Variants in AUTS2 observed in about 807,000 individuals in gnomAD.
AUTS2 encodes activator of transcription and developmental regulator AUTS2, also known as autism susceptibility gene 2 protein.
A neutral mutation model predicts 112.4 loss-of-function variants in AUTS2; 17 were observed. That is an observed-to-expected ratio of 0.15 (90% CI 0.10 to 0.23). The LOEUF (loss-of-function observed/expected upper bound fraction) is 0.23, where lower values mean the gene tolerates loss of function less well. Ranked by LOEUF, AUTS2 falls within the 10% of genes least tolerant of loss-of-function variation. The pLI, the probability that AUTS2 is intolerant of heterozygous loss-of-function variation, is 1.00. For missense variants in AUTS2, 1,510 were observed against 1,701.6 expected (o/e 0.89, Z 1.98); for synonymous variants, 751 against 702.7 (o/e 1.07, Z -1.09).
At chr7:70,303,008 G>T (rs985282713) in intron 4 of AUTS2, among the ~76,000 whole-genome samples, 2 of 142,544 alleles carry the variant, frequency 1.4e-5, no homozygotes, top group Non-Finnish European at 3.0e-5. Flanking sequence ...AGTTTTCTTT[G>T]AGCTCCCTTG....
intron 1 of AUTS2, among the ~76,000 whole-genome samples, chr7:69,734,207 T>A (rs1006211870): frequency 2.0e-5 from 3 of 152,144 alleles, no homozygotes; most frequent in Non-Finnish European, 4.4e-5. Flanking sequence ...TTAAAAGCTG[T>A]CTCCTAGACA....
chr7:69,603,980 T>G (rs886743531), intron 1 of AUTS2, among the ~76,000 whole-genome samples: 3 of 152,192 alleles, frequency 2.0e-5, no homozygotes, highest in African/African-American at 7.2e-5. Flanking sequence ...ATTTTTCCCC[T>G]CATTCCTCTT....
intron 6 of AUTS2, among the ~76,000 whole-genome samples, chr7:70,746,958 C>T (rs899955242): frequency 6.6e-6 from 1 of 152,136 alleles, no homozygotes; most frequent in Non-Finnish European, 1.5e-5. Flanking sequence ...TACCCATGAA[C>T]CACCAGTTAA....
chr7:70,445,508 G>T (rs1268480693), intron 5 of AUTS2, among the ~76,000 whole-genome samples: 1 of 152,092 alleles, frequency 6.6e-6, no homozygotes, highest in East Asian at 1.9e-4. Context: ...ATAAAATTTG[G>T]GTCTACTAAC....
intron 5 of AUTS2, among the ~76,000 whole-genome samples, chr7:70,627,136 T>C (rs1407534296): frequency 1.3e-5 from 2 of 152,236 alleles, no homozygotes; most frequent in African/African-American, 2.4e-5. Flanking sequence ...CCACCAGCAG[T>C]GTATAAGCAT....
At chr7:70,109,416 G>T (rs954722562) in intron 2 of AUTS2, among the ~76,000 whole-genome samples, 6 of 152,156 alleles carry the variant, frequency 3.9e-5, no homozygotes, top group African/African-American at 1.2e-4. Flanking sequence ...TATACTCAAG[G>T]AATGCCAAAT....
At position 70,790,256 on chromosome 7, in the gene AUTS2, G is replaced by A. The variant is rs970084721; in HGVS notation, c.3040G>A (p.Val1014Met). Residue 1014 changes from valine (V) to methionine (M), a missense_variant, in exon 19 of 19, where the codon GTG (valine) becomes ATG (methionine). By Grantham distance (21) the Val-to-Met change is conservative. This residue lies in a region of AUTS2 where 788 missense variants were observed against 797.6 expected (regional missense o/e 0.99). Transcript: ENST00000342771. The surrounding 1 kb of genome is among the most constrained non-coding windows in gnomAD (Gnocchi z 7.6). ...EPPPPNSSSSVHPGPLASMPM... is the reference protein window; with the variant it reads ...EPPPPNSSSSMHPGPLASMPM... ...GCCGCCTCCCAACTCCTCGTCCAGC[G>A]TGCACCCGGGGCCCCTGGCCTCGAT... 3 of 1,612,992 alleles carry A rather than the reference G, an allele frequency of 1.9e-6. No individual in the cohort carries two copies. Among genetic ancestry groups the A allele is most frequent in the East Asian group, 2.2e-5 (1 of 44,828 alleles).
At chr7:69,782,260 G>T (rs1480055028) in intron 1 of AUTS2, among the ~76,000 whole-genome samples, 2 of 152,108 alleles carry the variant, frequency 1.3e-5, no homozygotes, top group African/African-American at 2.4e-5. Context: ...CTACTTGGGA[G>T]GCTGAGGTGG....
chr7:70,265,114 G>C (rs1035984108), intron 4 of AUTS2, among the ~76,000 whole-genome samples: 5 of 151,972 alleles, frequency 3.3e-5, no homozygotes, highest in African/African-American at 1.2e-4. Flanking sequence ...TTTAATCTGA[G>C]AAAAAAATAA....
At chr7:70,096,651 A>C (rs900480862) in intron 2 of AUTS2, among the ~76,000 whole-genome samples, 1 of 151,838 alleles carries the variant, frequency 6.6e-6, no homozygotes, top group African/African-American at 2.4e-5. Flanking sequence ...TGTGTAAAGG[A>C]CTATACTCAT....
chr7:70,777,649 C>G (rs1790794980), intron 14 of AUTS2, among the ~76,000 whole-genome samples: 1 of 152,194 alleles, frequency 6.6e-6, no homozygotes, highest in African/African-American at 2.4e-5. Flanking sequence ...AGAAATCTTA[C>G]TGTTAATTAG....
At chr7:70,409,834 G>A (rs1329260609) in intron 4 of AUTS2, among the ~76,000 whole-genome samples, 4 of 152,080 alleles carry the variant, frequency 2.6e-5, no homozygotes, top group African/African-American at 4.8e-5. Flanking sequence ...CTTTCCTTTC[G>A]GTACACCTTT....
intron 1 of AUTS2, among the ~76,000 whole-genome samples, chr7:69,612,313 A>T (rs1793085701): frequency 6.6e-6 from 1 of 152,050 alleles, no homozygotes; most frequent in Admixed American, 6.5e-5. Flanking sequence ...CTTCATGTTT[A>T]CTTTGGGATC....
rs146565778 is a variant in AUTS2 at position 69,626,251 on chromosome 7, G to A, written c.309+26289G>A. Among the ~76,000 whole-genome samples, 9 of 152,278 alleles carry A rather than the reference G, an allele frequency of 5.9e-5. No homozygotes were observed. The East Asian group carries it at 1.7e-3, about 29-fold the overall frequency. On this transcript the variant is annotated intron_variant, in intron 1 of 18. Coordinates refer to ENST00000342771, the MANE Select transcript of AUTS2 (RefSeq NM_015570.4). ...AATTAGTTGGAAATGACATTAACCT[G>A]AGCTTAATTGTAATTTTGCATAGTA...
chr7:69,841,482 C>T (rs1226975703), intron 1 of AUTS2, among the ~76,000 whole-genome samples: 1 of 152,138 alleles, frequency 6.6e-6, no homozygotes, highest in African/African-American at 2.4e-5. Context: ...TTGGGGATTA[C>T]AATTCAACAT....
chr7:70,010,690 A>C (rs1460310363), intron 2 of AUTS2, among the ~76,000 whole-genome samples: 1 of 152,172 alleles, frequency 6.6e-6, no homozygotes. Flanking sequence ...ATCCTGAATG[A>C]GGTAGGATCA....
At position 69,752,535 on chromosome 7, in the gene AUTS2, C is replaced by A. The variant is rs375432256; in HGVS notation, c.310-146751C>A. ...AAAGGATAAGTTTAAGGCTTTTAAT[C>A]AATGCCGCTTGCACTCAGTATTTAA... is the stretch of plus-strand genomic sequence containing the variant. On this transcript the variant is annotated intron_variant, in intron 1 of 18. Transcript: ENST00000342771. Among the ~76,000 whole-genome samples the A allele has an allele frequency of 7.2e-5, 11 of 152,314 alleles. 1 individual carries two copies. In the East Asian group the frequency reaches 1.2e-3, roughly 16 times the overall value.
At chr7:70,532,089 C>T (rs967774112) in intron 5 of AUTS2, among the ~76,000 whole-genome samples, 2 of 152,154 alleles carry the variant, frequency 1.3e-5, no homozygotes, top group African/African-American at 2.4e-5. Context: ...GTGGCTCTTA[C>T]CCTTCAGTAG....
At chr7:70,229,664 C>A (rs1432944806) in intron 4 of AUTS2, among the ~76,000 whole-genome samples, 2 of 151,906 alleles carry the variant, frequency 1.3e-5, no homozygotes, top group Non-Finnish European at 2.9e-5. Context: ...TTTTCAGAAC[C>A]TTTTTCTCCT....
Sources: allele counts gnomAD v4.1 joint callset (sites outside exome capture counted in the v4.1 genomes callset), GRCh38; gene constraint gnomAD v4.1.1; regional missense constraint gnomAD v4.1.1; non-coding constraint Gnocchi (gnomAD v3.1); transcripts MANE v1.5; gene names NCBI Gene and HGNC (gene_info 2026-07-23, HGNC 2026-07-21).